PARD3B: variants seen among roughly 807,000 people sequenced by gnomAD.
PARD3B encodes partitioning defective 3 homolog B.
Under a neutral mutation model 130.2 loss-of-function variants are expected in PARD3B, and 103 were observed. That is an observed-to-expected ratio of 0.79 (90% CI 0.67 to 0.93). PARD3B has a LOEUF of 0.93. Among genes scored for constraint, PARD3B ranks in the 40% least tolerant of loss-of-function variants. The pLI, the probability that PARD3B is intolerant of heterozygous loss-of-function variation, is 0.00. For missense variants in PARD3B, 1,609 were observed against 1,499.2 expected (o/e 1.07, Z -1.21); for synonymous variants, 583 against 553.2 (o/e 1.05, Z -0.76).
chr2:205,033,740 T>G (rs1294367851), intron 3 of PARD3B, among the ~76,000 whole-genome samples: 1 of 152,214 alleles, frequency 6.6e-6, no homozygotes, highest in African/African-American at 2.4e-5. Context: ...TGAACTCAAC[T>G]ATTATCCCTT....
intron 3 of PARD3B, among the ~76,000 whole-genome samples, chr2:205,019,897 C>A (rs936872621): frequency 2.0e-5 from 3 of 152,086 alleles, no homozygotes; most frequent in African/African-American, 7.2e-5. Context: ...CCAGAGAGCT[C>A]ATTTGTCCAG....
At chr2:205,417,025 A>C (rs1323149798) in intron 19 of PARD3B, among the ~76,000 whole-genome samples, 1 of 151,062 alleles carries the variant, frequency 6.6e-6, no homozygotes, top group Non-Finnish European at 1.5e-5. Flanking sequence ...GGTGTGCTGC[A>C]CCCGTTAACT....
chr2:205,076,426 A>G (rs1266068914), intron 4 of PARD3B, among the ~76,000 whole-genome samples: 1 of 152,192 alleles, frequency 6.6e-6, no homozygotes, highest in Non-Finnish European at 1.5e-5. Context: ...ATTTCAATAA[A>G]TGTTATCTTA....
chr2:205,416,543 C>A (rs2046782207), intron 19 of PARD3B, among the ~76,000 whole-genome samples: 1 of 152,168 alleles, frequency 6.6e-6, no homozygotes, highest in Non-Finnish European at 1.5e-5. Flanking sequence ...CATATGTCTT[C>A]ATCCCTGAAA....
intron 14 of PARD3B, among the ~76,000 whole-genome samples, chr2:205,186,716 A>G (rs1574325765): frequency 6.6e-6 from 1 of 152,246 alleles, no homozygotes; most frequent in East Asian, 1.9e-4. Context: ...TCTGATTCTT[A>G]TACTTTTGAA....
chr2:204,911,812 G>T (rs2047247036), intron 2 of PARD3B, among the ~76,000 whole-genome samples: 1 of 152,014 alleles, frequency 6.6e-6, no homozygotes, highest in South Asian at 2.1e-4. Flanking sequence ...CTTGAAAGTG[G>T]TTATTATTTC....
chr2:205,143,843 A>C (rs2033156842), intron 10 of PARD3B, among the ~76,000 whole-genome samples: 1 of 152,176 alleles, frequency 6.6e-6, no homozygotes, highest in African/African-American at 2.4e-5. Flanking sequence ...CAGAGCCTAG[A>C]AGCAATATAT....
chr2:204,976,222 T>C lies in PARD3B; in HGVS notation c.394+10899T>C, dbSNP rs568875864. Among the ~76,000 whole-genome samples the C allele has an allele frequency of 3.3e-5, 5 of 152,242 alleles. No individual in the cohort carries two copies. The South Asian group carries it at 8.3e-4, about 25-fold the overall frequency. On this transcript the variant is annotated intron_variant, in intron 3 of 22. Transcript: ENST00000406610. Reference sequence around the variant, plus strand: ...TCCAAAAGAAATAAGGATGGAGAAATACATAGATTATACAATCTTACATAT... The same window carrying C: ...TCCAAAAGAAATAAGGATGGAGAAACACATAGATTATACAATCTTACATAT...
At chr2:205,350,098 T>C (rs1471366401) in intron 18 of PARD3B, among the ~76,000 whole-genome samples, 1 of 152,192 alleles carries the variant, frequency 6.6e-6, no homozygotes, top group African/African-American at 2.4e-5. Flanking sequence ...TATATGCCTC[T>C]GTTATATCAG....
At position 205,245,794 on chromosome 2, in the gene PARD3B, G is replaced by A; in HGVS notation, c.2157G>A (p.Lys719=). The change falls in exon 16 of 23, where the codon AAG becomes AAA. Residue 719 remains lysine (K), a synonymous_variant. Transcript: ENST00000406610. The part of the protein sequence containing the change: ...KSMDLVPDES[K]VHSLAGQKSE... ...TCTCCTCAGTGCCAGATGAAAGCAA[G>A]GTTCACTCATTGGCTGGACAAAAAT... 6.2e-7 allele frequency: 1 copy of A among 1,602,684 alleles called. No homozygotes were observed.
At chr2:204,653,785 CA>C (rs35190366) in intron 1 of PARD3B, among the ~76,000 whole-genome samples, 18,852 of 71,606 alleles carry the variant, frequency 0.26, 1,381 homozygotes, top group African/African-American at 0.36. Flanking sequence ...GACTCTGTCT[CA>C]AAAAAAAAAA....
chr2:205,574,855 T>TAAAA (rs5837982), intron 22 of PARD3B, among the ~76,000 whole-genome samples: 2 of 121,576 alleles, frequency 1.6e-5, no homozygotes, highest in Non-Finnish European at 1.7e-5. Flanking sequence ...CACTGAGGAG[T>TAAAA]AAAAAAAAAA....
intron 6 of PARD3B, among the ~76,000 whole-genome samples, chr2:205,115,548 C>G (rs1703962477): frequency 6.6e-6 from 1 of 152,088 alleles, no homozygotes; most frequent in African/African-American, 2.4e-5. Flanking sequence ...TGTTCAGTAA[C>G]TTGGTGAAAT....
rs535176465 is a variant in PARD3B, at chr2:205,574,667, T to C, written c.3260+21264T>C. 2.0e-5 allele frequency among the ~76,000 whole-genome samples: 3 copies of C among 152,206 alleles called. No homozygotes were observed. The South Asian group carries it at 6.2e-4, about 32-fold the overall frequency. On this transcript the variant is annotated intron_variant, in intron 22 of 22. Transcript: ENST00000406610. ...GGGGCAACTTCACTTCATTGTAACA[T>C]GCTGCCTGAACATTTAGCAGGAGAC...
At chr2:205,179,932 G>A (rs2035695554) in intron 13 of PARD3B, among the ~76,000 whole-genome samples, 1 of 152,024 alleles carries the variant, frequency 6.6e-6, no homozygotes, top group Non-Finnish European at 1.5e-5. Flanking sequence ...TCAATAGAAT[G>A]TTCAGACTTT....
intron 1 of PARD3B, among the ~76,000 whole-genome samples, chr2:204,626,756 A>T (rs1017707793): frequency 2.0e-5 from 3 of 152,110 alleles, no homozygotes; most frequent in African/African-American, 7.2e-5. Context: ...TTTATTATCT[A>T]GCTTTCCCCC....
At chr2:204,761,598 CA>C (rs67376172) in intron 2 of PARD3B, among the ~76,000 whole-genome samples, 93,154 of 146,356 alleles carry the variant, frequency 0.64, 30,164 homozygotes, top group South Asian at 0.75. Flanking sequence ...CTAAAAATTA[CA>C]AAAAAAAAAA....
rs371327607 is a variant in PARD3B, at chr2:204,667,692, G to A, written c.121-18489G>A. ...TGTGCTTGTGTGTGTGAGAGCCTCT[G>A]CCTTCCATGGGGGAGTCACAAATAG... On this transcript the variant is annotated intron_variant, in intron 1 of 22. Transcript: ENST00000406610. 3.3e-4 allele frequency among the ~76,000 whole-genome samples: 51 copies of A among 152,286 alleles called. 1 individual carries two copies. The South Asian group carries it at 6.0e-3, about 18-fold the overall frequency.
At chr2:205,136,170 G>T (rs555229892) in intron 10 of PARD3B, among the ~76,000 whole-genome samples, 1 of 152,196 alleles carries the variant, frequency 6.6e-6, no homozygotes, top group East Asian at 1.9e-4. Flanking sequence ...CCAAAAAAAG[G>T]ATTGTTTAAC....
Sources: allele counts gnomAD v4.1 joint callset (sites outside exome capture counted in the v4.1 genomes callset), GRCh38; gene constraint gnomAD v4.1.1; transcripts MANE v1.5; gene names NCBI Gene and HGNC (gene_info 2026-07-23, HGNC 2026-07-21).